Variants in SYNPO2 observed in about 807,000 individuals in gnomAD.
SYNPO2 encodes synaptopodin 2, also known as synaptopodin-2.
In SYNPO2, 56 loss-of-function variants were observed where a neutral mutation model predicts 85.0. That is an observed-to-expected ratio of 0.66 (90% CI 0.53 to 0.82). The LOEUF is 0.82. SYNPO2 is among the 40% of genes least tolerant of loss of function. The probability of loss-of-function intolerance (pLI) is 0.00; values close to 1 mark genes in which losing one functional copy is unlikely to be tolerated. For synonymous variants in SYNPO2, 602 were observed against 591.1 expected, an observed-to-expected ratio of 1.02 and a Z score of -0.27; for missense variants, 1,575 against 1,534.2, an observed-to-expected ratio of 1.03 and a Z score of -0.44.
intron 1 of SYNPO2, among the ~76,000 whole-genome samples, chr4:118,862,873 T>A (rs1057381813): frequency 6.6e-6 from 1 of 152,080 alleles, no homozygotes; most frequent in African/African-American, 2.4e-5. Context: ...TGCAGTGGCA[T>A]GATCTCGGCT....
intron 1 of SYNPO2, among the ~76,000 whole-genome samples, chr4:118,919,395 G>A (rs944282307): frequency 6.8e-5 from 8 of 118,278 alleles, no homozygotes; most frequent in African/African-American, 1.9e-4. Flanking sequence ...TTTGCATACC[G>A]AAGTAATTGA....
At chr4:119,035,501 G>A (rs1358989000) in intron 4 of SYNPO2, 6 of 985,378 alleles carry the variant, frequency 6.1e-6, no homozygotes, top group East Asian at 1.1e-4. Flanking sequence ...TGTTAGGAAC[G>A]TGTTTTGTAA....
chr4:119,026,494 A>C, intron 2 of SYNPO2, 133 bp from the exon 3 acceptor site: 1 of 965,800 alleles, frequency 1.0e-6, no homozygotes, highest in Non-Finnish European at 1.5e-6. Context: ...GTTTTCAAAT[A>C]TGTTGCAACT....
upstream of SYNPO2, among the ~76,000 whole-genome samples, chr4:118,884,385 CG>C (rs1732163526): frequency 6.6e-6 from 1 of 152,176 alleles, no homozygotes; most frequent in Admixed American, 6.5e-5. Flanking sequence ...CTTGCCCTGA[CG>C]GCAATCCAGA....
chr4:118,859,968 T>C (rs1731581274), intron 1 of SYNPO2, among the ~76,000 whole-genome samples: 1 of 152,170 alleles, frequency 6.6e-6, no homozygotes, highest in Non-Finnish European at 1.5e-5. Context: ...GGTAGCTCTA[T>C]TTTTAGTTTT....
At position 119,021,432 on chromosome 4, in the gene SYNPO2, A is replaced by C. The variant is rs1223277474; in HGVS notation, c.106-1998A>C. Reference sequence around the variant, plus strand: ...AAGAAGTGCTGCTTACCTGGTGTTCACCTCTCTAGGCTCAGAAGCTTTATT... The same window carrying C: ...AAGAAGTGCTGCTTACCTGGTGTTCCCCTCTCTAGGCTCAGAAGCTTTATT... On this transcript the variant is annotated intron_variant, in intron 1 of 4. Transcript: ENST00000307142. Among the ~76,000 whole-genome samples, 3 of 152,158 alleles carry C rather than the reference A, an allele frequency of 2.0e-5. No homozygotes were observed. In the East Asian group the frequency reaches 5.8e-4, roughly 29 times the overall value.
At chr4:118,920,222 G>A (rs1042058110) in intron 1 of SYNPO2, among the ~76,000 whole-genome samples, 75 of 152,242 alleles carry the variant, frequency 4.9e-4, no homozygotes, top group African/African-American at 1.6e-3. Context: ...TGAAAACAGC[G>A]ACTATAGGAG....
intron 1 of SYNPO2, among the ~76,000 whole-genome samples, chr4:119,013,728 A>T (rs1737418506): frequency 6.6e-6 from 1 of 152,222 alleles, no homozygotes; most frequent in Non-Finnish European, 1.5e-5. Context: ...GATATTGTAT[A>T]ATGAAATGTG....
intron 1 of SYNPO2, among the ~76,000 whole-genome samples, chr4:118,897,544 A>G (rs1274169291): frequency 6.6e-6 from 1 of 152,168 alleles, no homozygotes; most frequent in Non-Finnish European, 1.5e-5. Context: ...AACCCCAAAT[A>G]TCTTGTCGCC....
chr4:118,965,214 G>A (rs1241812475), intron 1 of SYNPO2, among the ~76,000 whole-genome samples: 1 of 152,102 alleles, frequency 6.6e-6, no homozygotes, highest in African/African-American at 2.4e-5. Flanking sequence ...TTTGGGTCAT[G>A]GGAGAGCACA....
At chr4:119,039,240 G>C (rs1356611727) in intron 4 of SYNPO2, among the ~76,000 whole-genome samples, 1 of 152,086 alleles carries the variant, frequency 6.6e-6, no homozygotes, top group African/African-American at 2.4e-5. Context: ...GAAAACTTAA[G>C]GAACTTGTGT....
intron 1 of SYNPO2, among the ~76,000 whole-genome samples, chr4:118,890,630 A>G (rs1214484075): frequency 6.8e-6 from 1 of 146,042 alleles, no homozygotes; most frequent in Admixed American, 7.3e-5. Flanking sequence ...TTGGGTTCTA[A>G]TTCCAGCTCT....
At chr4:118,862,935 C>T (rs559570940) in intron 1 of SYNPO2, among the ~76,000 whole-genome samples, 2 of 151,966 alleles carry the variant, frequency 1.3e-5, no homozygotes, top group African/African-American at 2.4e-5. Flanking sequence ...CTCAGCCTCC[C>T]GAGTAGCTGG....
intron 4 of SYNPO2, chr4:119,032,427 G>C: frequency 9.0e-7 from 1 of 1,112,238 alleles, no homozygotes; most frequent in African/African-American, 1.6e-5. Context: ...ATGGTGAAAG[G>C]TTCAAATGTA....
intron 1 of SYNPO2, among the ~76,000 whole-genome samples, chr4:118,915,599 C>A (rs1733289169): frequency 6.6e-6 from 1 of 152,086 alleles, no homozygotes. Flanking sequence ...TGTTGATGGG[C>A]ATCTGGGTTG....
chr4:118,995,081 A>AT (rs1477582628), intron 1 of SYNPO2, among the ~76,000 whole-genome samples: 1 of 152,180 alleles, frequency 6.6e-6, no homozygotes, highest in Non-Finnish European at 1.5e-5. Context: ...AGGTACATAT[A>AT]TTTTACTTCC....
At chr4:119,053,119 G>A (rs17330453) in intron 4 of SYNPO2, among the ~76,000 whole-genome samples, 13,186 of 152,236 alleles carry the variant, frequency 0.087, 759 homozygotes, top group Middle Eastern at 0.22. Context: ...TCCTTTGGTC[G>A]TTTCTGGCTC....
At chr4:118,940,110 C>A (rs990948074) in intron 1 of SYNPO2, among the ~76,000 whole-genome samples, 2 of 151,714 alleles carry the variant, frequency 1.3e-5, no homozygotes, top group African/African-American at 4.8e-5. Flanking sequence ...CTCAACCTCT[C>A]GAGTAGCTGG....
intron 1 of SYNPO2, among the ~76,000 whole-genome samples, chr4:118,870,303 G>A (rs1169123760): frequency 6.6e-6 from 1 of 152,226 alleles, no homozygotes; most frequent in African/African-American, 2.4e-5. Context: ...TTCAGAGGCA[G>A]CTTTGTTTCT....
Sources: allele counts gnomAD v4.1 joint callset (sites outside exome capture counted in the v4.1 genomes callset), GRCh38; gene constraint gnomAD v4.1.1; transcripts MANE v1.5; gene names NCBI Gene and HGNC (gene_info 2026-07-23, HGNC 2026-07-21).